The following IL1RAPL2 variants were observed in gnomAD, a reference collection of about 807,000 sequenced individuals.
IL1RAPL2 encodes interleukin 1 receptor accessory protein like 2.
Under a neutral mutation model 44.1 loss-of-function variants are expected in IL1RAPL2, and 3 were observed. The observed-to-expected ratio is 0.07, with a 90% CI of 0.03 to 0.18. The LOEUF (loss-of-function observed/expected upper bound fraction) is 0.18. IL1RAPL2 is among the 10% of genes least tolerant of loss of function. The pLI is 1.00. For synonymous variants in IL1RAPL2, 181 were observed against 178.8 expected (o/e 1.01, Z -0.10); for missense variants, 391 against 496.4 (o/e 0.79, Z 2.02).
intron 5 of IL1RAPL2, among the ~76,000 whole-genome samples, chrX:105,481,358 A>C (rs1037735828): frequency 8.9e-6 from 1 of 112,722 alleles, no homozygotes; most frequent in Non-Finnish European, 1.9e-5. Flanking sequence ...AATATGAGCT[A>C]ATGTATCTGA....
chrX:104,839,347 G>T (rs781516733), intron 2 of IL1RAPL2, among the ~76,000 whole-genome samples: 22 of 111,479 alleles, frequency 2.0e-4, no homozygotes, highest in African/African-American at 6.5e-4. Flanking sequence ...AGATAATCAC[G>T]TGTTTTTGTC....
chrX:105,241,400 C>G (rs2082540001), intron 4 of IL1RAPL2, among the ~76,000 whole-genome samples: 1 of 111,737 alleles, frequency 8.9e-6, no homozygotes, highest in African/African-American at 3.3e-5. Flanking sequence ...TCTTGTCTTT[C>G]CCTTCTTTCT....
chrX:104,838,766 T>C (rs1456796175), intron 2 of IL1RAPL2, among the ~76,000 whole-genome samples: 3 of 109,903 alleles, frequency 2.7e-5, no homozygotes, highest in Non-Finnish European at 5.7e-5. Flanking sequence ...CTATGTTGAA[T>C]AGGAGTAGTG....
chrX:105,206,836 A>G (rs1556152812), intron 3 of IL1RAPL2, among the ~76,000 whole-genome samples: 1 of 112,065 alleles, frequency 8.9e-6, no homozygotes, highest in East Asian at 2.8e-4. Context: ...AATAGAGATG[A>G]ATTTTGAAGC....
chrX:105,651,161 C>G (rs2037640050), intron 6 of IL1RAPL2, among the ~76,000 whole-genome samples: 1 of 111,124 alleles, frequency 9.0e-6, no homozygotes, highest in Non-Finnish European at 1.9e-5. Flanking sequence ...GCAGGAAAAT[C>G]AGCCGAAGAA....
At chrX:105,211,100 AAG>A (rs2033804692) in intron 3 of IL1RAPL2, among the ~76,000 whole-genome samples, 1 of 110,743 alleles carries the variant, frequency 9.0e-6, no homozygotes, top group African/African-American at 3.3e-5. Context: ...TAAATTCACT[AAG>A]AGCTTTGTAG....
At chrX:105,494,720 T>A (rs1405988407) in intron 6 of IL1RAPL2, among the ~76,000 whole-genome samples, 1 of 111,275 alleles carries the variant, frequency 9.0e-6, no homozygotes, top group Non-Finnish European at 1.9e-5. Context: ...AGTGGCATGA[T>A]TCTGGCTCAC....
chrX:105,075,893 G>A (rs921606613), intron 2 of IL1RAPL2, among the ~76,000 whole-genome samples: 10 of 111,237 alleles, frequency 9.0e-5, no homozygotes, highest in East Asian at 2.8e-4. Context: ...GTGATATCCC[G>A]TTTGTCATTT....
At chrX:105,667,388 C>T (rs905100250) in intron 6 of IL1RAPL2, among the ~76,000 whole-genome samples, 12 of 111,981 alleles carry the variant, frequency 1.1e-4, no homozygotes, top group Non-Finnish European at 1.9e-4. Context: ...TTGTAAATGG[C>T]GTTTTACTGA....
At chrX:105,195,787 G>C (rs781853956) in intron 3 of IL1RAPL2, 39 bp downstream of exon 3, 1 of 1,181,789 alleles carries the variant, frequency 8.5e-7, no homozygotes, top group Admixed American at 2.2e-5. Flanking sequence ...TCACATGGCT[G>C]ATAGTCTTTT....
intron 2 of IL1RAPL2, among the ~76,000 whole-genome samples, chrX:105,097,313 C>T (rs899196476): frequency 1.3e-5 from 1 of 77,255 alleles, no homozygotes; most frequent in African/African-American, 5.7e-5. Context: ...GGTGACAGAG[C>T]GAGACTCAGT....
rs1693300267 is a variant in IL1RAPL2 at position 105,150,256 on chromosome X, A to G, written c.83-45219A>G. Reference sequence around the variant, plus strand: ...CTCTTTGGTACTGGGTCAGAGTTCAACCTTTAATTTTGGTCTGCCAGTGAG... The same window carrying G: ...CTCTTTGGTACTGGGTCAGAGTTCAGCCTTTAATTTTGGTCTGCCAGTGAG... On this transcript the variant is annotated intron_variant, in intron 2 of 10. Transcript: ENST00000372582. Among the ~76,000 whole-genome samples, 4 of 111,792 alleles carry G rather than the reference A, an allele frequency of 3.6e-5. No individual in the cohort carries two copies. In the South Asian group the frequency reaches 1.5e-3, roughly 42 times the overall value.
intron 7 of IL1RAPL2, among the ~76,000 whole-genome samples, chrX:105,731,888 A>G (rs928450751): frequency 1.8e-5 from 2 of 110,982 alleles, no homozygotes; most frequent in Non-Finnish European, 1.9e-5. Context: ...AGTAGTAGAG[A>G]AGGGTGACTG....
chrX:105,159,738 C>G (rs1354609124), intron 2 of IL1RAPL2, among the ~76,000 whole-genome samples: 2 of 112,023 alleles, frequency 1.8e-5, no homozygotes, highest in East Asian at 5.6e-4. Flanking sequence ...GACTCCTTCT[C>G]TTCACTCCAC....
intron 6 of IL1RAPL2, among the ~76,000 whole-genome samples, chrX:105,707,104 G>A (rs183889569): frequency 4.2e-4 from 47 of 111,406 alleles, no homozygotes; most frequent in African/African-American, 1.2e-3. Flanking sequence ...TACAGCACTC[G>A]GAATGATTTC....
chrX:105,734,258 A>C (rs2147569672), intron 7 of IL1RAPL2, among the ~76,000 whole-genome samples: 1 of 110,832 alleles, frequency 9.0e-6, no homozygotes, highest in South Asian at 3.8e-4. Flanking sequence ...TTACCTTCAT[A>C]AGTGTTTCTT....
intron 6 of IL1RAPL2, among the ~76,000 whole-genome samples, chrX:105,666,087 T>TGG (rs1569463324): frequency 1.8e-5 from 2 of 109,722 alleles, no homozygotes; most frequent in East Asian, 5.7e-4. Context: ...AATGGGTTTT[T>TGG]TTTTTTTTTT....
rs909419016 is a variant in IL1RAPL2, at chrX:104,802,128, T to G, written c.82+143133T>G. Among the ~76,000 whole-genome samples, 5 of 110,671 alleles carry G rather than the reference T, an allele frequency of 4.5e-5. No individual in the cohort carries two copies. The South Asian group carries it at 1.9e-3, about 43-fold the overall frequency. On this transcript the variant is annotated intron_variant, in intron 2 of 10. Transcript: ENST00000372582. Reference sequence around the variant, plus strand: ...GGGAGGCTGAGGCAGGCGGATCACCTGAGGTCAGGAGTTCGAGACCAGCCT... The same window carrying G: ...GGGAGGCTGAGGCAGGCGGATCACCGGAGGTCAGGAGTTCGAGACCAGCCT...
chrX:104,585,328 A>T (rs746806834), intron 1 of IL1RAPL2, among the ~76,000 whole-genome samples: 302 of 12,383 alleles, frequency 0.024, 30 homozygotes, highest in African/African-American at 0.13. Context: ...TATTATATAT[A>T]ATATATATTA....
Sources: gnomAD v4.1 joint callset for allele counts (sites outside exome capture counted in the v4.1 genomes callset) on GRCh38, gnomAD v4.1.1 for gene constraint, MANE v1.5 for transcripts, NCBI Gene and HGNC (gene_info 2026-07-23, HGNC 2026-07-21) for gene names.